Variants in PIGN observed in about 807,000 individuals in gnomAD.
PIGN encodes the protein GPI ethanolamine phosphate transferase 1.
Under a neutral mutation model 125.4 loss-of-function variants are expected in PIGN, and 117 were observed. That is an observed-to-expected ratio of 0.93 (90% CI 0.80 to 1.09). The LOEUF is 1.09. PIGN is among the 50% of genes least tolerant of loss of function. The pLI is 0.00. For missense variants in PIGN, 1,075 were observed against 1,094.9 expected, an observed-to-expected ratio of 0.98 and a Z score of 0.26; for synonymous variants, 392 against 377.8, an observed-to-expected ratio of 1.04 and a Z score of -0.44.
intron 1 of PIGN, among the ~76,000 whole-genome samples, chr18:62,173,364 G>A (rs28635941): frequency 0.41 from 61,708 of 151,838 alleles, 13,228 homozygotes; most frequent in East Asian, 0.78. Context: ...CCTAGTAGCC[G>A]GGACCACAAG....
intron 14 of PIGN, among the ~76,000 whole-genome samples, chr18:62,130,236 T>C (rs1165913590): frequency 2.0e-5 from 3 of 152,160 alleles, no homozygotes; most frequent in East Asian, 1.9e-4. Flanking sequence ...TGCTAAGCCA[T>C]GTAGGTTGTG....
intron 25 of PIGN, among the ~76,000 whole-genome samples, chr18:62,086,611 GTTTTTTGTTTT>G (rs1461014335): frequency 9.4e-6 from 1 of 106,820 alleles, no homozygotes; most frequent in Admixed American, 8.8e-5. Flanking sequence ...GTAAGACTCC[GTTTTTTGTTTT>G]TTTTTTTTTT....
chr18:62,152,258 T>TA (rs1321883346), intron 7 of PIGN, among the ~76,000 whole-genome samples: 2 of 152,168 alleles, frequency 1.3e-5, no homozygotes, highest in Admixed American at 1.3e-4. Flanking sequence ...CTTCAGATAG[T>TA]AGGCTTCAGA....
intron 30 of PIGN, among the ~76,000 whole-genome samples, chr18:62,065,401 T>G (rs1421926419): frequency 3.9e-5 from 6 of 152,152 alleles, no homozygotes; most frequent in Non-Finnish European, 8.8e-5. Flanking sequence ...AATGGATTAT[T>G]CAGTTGAGAA....
At chr18:62,057,757 C>A (rs564865024) in intron 30 of PIGN, among the ~76,000 whole-genome samples, 14 of 152,310 alleles carry the variant, frequency 9.2e-5, no homozygotes, top group Admixed American at 2.6e-4. Context: ...CTCTCCTGAC[C>A]ATGTTTTCCC....
intron 30 of PIGN, among the ~76,000 whole-genome samples, chr18:62,057,396 CT>C: frequency 6.6e-6 from 1 of 152,258 alleles, no homozygotes; most frequent in Non-Finnish European, 1.5e-5. Context: ...GCCCTTGATT[CT>C]TTTTTTCTCC....
intron 14 of PIGN, among the ~76,000 whole-genome samples, chr18:62,124,841 T>C (rs2035444002): frequency 6.6e-6 from 1 of 152,200 alleles, no homozygotes. Context: ...TGTCTCATTA[T>C]GTGCCTTTAT....
rs766366055 is a variant in PIGN at position 62,074,745 on chromosome 18, T to C, written c.2619+34A>G. 11 of 1,400,906 alleles carry C rather than the reference T, an allele frequency of 7.9e-6. No individual in the cohort carries two copies. In the Admixed American group the frequency reaches 2.0e-4, roughly 26 times the overall value. 86.8% of individuals were successfully genotyped at this position (1,400,906 alleles called of 1,614,324 possible). ...TATTAAATTAACCCAGGACTCTTAA[T>C]CTAATTTATATGGACTACCCAGTAA... On this transcript the variant is annotated intron_variant, in intron 29 of 30. Coordinates refer to ENST00000640252, the MANE Select transcript of PIGN (RefSeq NM_176787.5).
intron 27 of PIGN, among the ~76,000 whole-genome samples, chr18:62,083,545 G>T (rs975466465): frequency 2.0e-5 from 3 of 152,134 alleles, no homozygotes; most frequent in Non-Finnish European, 4.4e-5. Flanking sequence ...GTCATCAAGT[G>T]TATTATGTCA....
intron 14 of PIGN, chr18:62,136,065 A>C (rs1012619485): frequency 1.3e-4 from 20 of 152,152 alleles, no homozygotes; most frequent in African/African-American, 4.6e-4. Flanking sequence ...CATACTAGTC[A>C]ATCAATATTT....
chr18:62,146,095 AAT>A (rs1326063935), intron 9 of PIGN, 70 bp from the exon 10 acceptor site: 4 of 674,150 alleles, frequency 5.9e-6, no homozygotes, highest in East Asian at 2.9e-5. Context: ...TATTTTTTAA[AAT>A]AGTTTGTTTT....
At chr18:62,154,387 A>G in intron 7 of PIGN, 158 bp downstream of exon 7, 1 of 517,560 alleles carries the variant, frequency 1.9e-6, no homozygotes, top group South Asian at 3.2e-5. Flanking sequence ...ATTTATTTAG[A>G]ATGTGTAATT....
chr18:62,118,928 A>G (rs1224035901), intron 14 of PIGN, among the ~76,000 whole-genome samples: 1 of 152,060 alleles, frequency 6.6e-6, no homozygotes, highest in African/African-American at 2.4e-5. Context: ...GTATAGAACA[A>G]GAGGACAAGA....
chr18:62,079,502 C>G (rs549802383), intron 28 of PIGN, among the ~76,000 whole-genome samples: 9 of 152,176 alleles, frequency 5.9e-5, no homozygotes, highest in African/African-American at 7.2e-5. Flanking sequence ...GACTTAAGAG[C>G]CTTTTCCTTT....
At chr18:62,174,539 C>T (rs1177285954) in intron 1 of PIGN, 1 of 152,126 alleles carries the variant, frequency 6.6e-6, no homozygotes, top group African/African-American at 2.4e-5. Flanking sequence ...TCAGCTCATA[C>T]TGTTATTTAA....
intron 19 of PIGN, 55 bp downstream of exon 19, chr18:62,106,734 T>C (rs1599534231): frequency 9.1e-7 from 1 of 1,101,394 alleles, no homozygotes; most frequent in Non-Finnish European, 1.3e-6. Flanking sequence ...GAGTTACACA[T>C]GTGTCAAAAC....
intron 28 of PIGN, among the ~76,000 whole-genome samples, chr18:62,082,255 T>A (rs1675797422): frequency 6.6e-6 from 1 of 152,104 alleles, no homozygotes; most frequent in South Asian, 2.1e-4. Context: ...AAAAGTTAAT[T>A]TTAAGTCATG....
intron 14 of PIGN, 79 bp downstream of exon 14, chr18:62,138,164 T>A (rs779272264): frequency 1.3e-6 from 2 of 1,514,052 alleles, no homozygotes. Context: ...AGTAAACTAA[T>A]CCTATCACTC....
intron 1 of PIGN, among the ~76,000 whole-genome samples, chr18:62,179,530 G>A (rs1273336602): frequency 6.6e-6 from 1 of 152,136 alleles, no homozygotes; most frequent in Non-Finnish European, 1.5e-5. Flanking sequence ...GATCACTTGA[G>A]CTCAGGAGTT....
Sources: allele counts gnomAD v4.1 joint callset (sites outside exome capture counted in the v4.1 genomes callset), GRCh38; gene constraint gnomAD v4.1.1; transcripts MANE v1.5; gene names NCBI Gene and HGNC (gene_info 2026-07-23, HGNC 2026-07-21).